The following TTLL11 variants were observed in gnomAD, a reference collection of about 807,000 sequenced individuals.
The protein encoded by TTLL11 is tubulin tyrosine ligase like 11.
Under a neutral mutation model 51.7 loss-of-function variants are expected in TTLL11, and 42 were observed. That is an observed-to-expected ratio of 0.81 (90% CI 0.64 to 1.05). TTLL11 has a LOEUF of 1.05. TTLL11 is among the 50% of genes least tolerant of loss of function. TTLL11 has a pLI of 0.00. For missense variants in TTLL11, 799 were observed against 940.4 expected, an observed-to-expected ratio of 0.85 and a Z score of 1.97; for synonymous variants, 381 against 383.5, an observed-to-expected ratio of 0.99 and a Z score of 0.08.
At chr9:121,975,604 T>C (rs1399411479) in intron 4 of TTLL11, among the ~76,000 whole-genome samples, 1 of 152,086 alleles carries the variant, frequency 6.6e-6, no homozygotes, top group African/African-American at 2.4e-5. Flanking sequence ...CCCAGCTACA[T>C]GGAAGGCTGA....
At chr9:121,880,026 G>A (rs1838724349) in intron 6 of TTLL11, among the ~76,000 whole-genome samples, 1 of 152,114 alleles carries the variant, frequency 6.6e-6, no homozygotes, top group Non-Finnish European at 1.5e-5. Context: ...CACAGCTATT[G>A]AGCATAAATG....
intron 6 of TTLL11, among the ~76,000 whole-genome samples, chr9:121,903,565 G>A (rs1177671478): frequency 1.3e-5 from 2 of 152,182 alleles, no homozygotes; most frequent in African/African-American, 2.4e-5. Flanking sequence ...TCCTTAAAAT[G>A]AAGGTAATAC....
intron 8 of TTLL11, among the ~76,000 whole-genome samples, chr9:121,826,996 G>A (rs927546584): frequency 1.3e-5 from 2 of 152,020 alleles, no homozygotes; most frequent in Non-Finnish European, 2.9e-5. Context: ...CTGTGGGGCT[G>A]GGGTCAATGT....
intron 6 of TTLL11, among the ~76,000 whole-genome samples, chr9:121,938,801 G>C (rs948174345): frequency 6.6e-6 from 1 of 152,166 alleles, no homozygotes; most frequent in Non-Finnish European, 1.5e-5. Flanking sequence ...TTCATAACCA[G>C]GTGTTGGCAA....
At chr9:121,935,016 G>A (rs1211351757) in intron 6 of TTLL11, among the ~76,000 whole-genome samples, 3 of 152,138 alleles carry the variant, frequency 2.0e-5, no homozygotes, top group East Asian at 3.9e-4. Context: ...GTGCAATGGC[G>A]CAATCTCGGC....
intron 6 of TTLL11, among the ~76,000 whole-genome samples, chr9:121,883,099 C>T (rs781224637): frequency 3.9e-5 from 6 of 152,166 alleles, no homozygotes; most frequent in Middle Eastern, 3.4e-3. Flanking sequence ...GACCTTTGGG[C>T]GTCATTTTTC....
Position 121,967,236 on chromosome 9 carries a change from T to G in TTLL11, c.1481+6773A>C, listed in dbSNP as rs768104007. 8.0e-3 allele frequency among the ~76,000 whole-genome samples: 959 copies of G among 119,338 alleles called. 12 individuals carry two copies. Among genetic ancestry groups the G allele is most frequent in the Non-Finnish European group, 0.012 (733 of 59,264 alleles). 78.3% of individuals were successfully genotyped at this position (119,338 alleles called of 152,430 possible). ...TTTTTTTTTTTTTTTTTTTTTTTTT[T>G]TTTTTTTGAGAGGAGTCTTGCTCTG... On this transcript the variant is annotated intron_variant, in intron 6 of 8. Coordinates refer to ENST00000321582, the MANE Select transcript of TTLL11 (RefSeq NM_001139442.2).
chr9:122,042,065 A>G (rs1447886861), intron 1 of TTLL11, among the ~76,000 whole-genome samples: 1 of 143,136 alleles, frequency 7.0e-6, no homozygotes, highest in Admixed American at 7.2e-5. Flanking sequence ...GCTGGAGTGC[A>G]GTGGTACAAT....
At chr9:122,055,203 G>GGATAGATAGATA (rs1222958113) in intron 1 of TTLL11, among the ~76,000 whole-genome samples, 39,215 of 144,478 alleles carry the variant, frequency 0.27, 5,547 homozygotes, top group East Asian at 0.31. Flanking sequence ...AGGACTAATA[G>GGATAGATAGATA]GATAGATAGA....
intron 6 of TTLL11, among the ~76,000 whole-genome samples, chr9:121,935,045 C>T (rs912208356): frequency 2.6e-5 from 4 of 152,122 alleles, no homozygotes; most frequent in African/African-American, 9.7e-5. Flanking sequence ...ACCTCCACCT[C>T]CTGGGTTCAA....
chr9:121,850,347 G>A (rs1205599789), intron 8 of TTLL11, among the ~76,000 whole-genome samples: 3 of 152,074 alleles, frequency 2.0e-5, no homozygotes, highest in Admixed American at 6.5e-5. Flanking sequence ...GTCCAAGTCT[G>A]ATGGCCCACG....
chr9:122,071,344 C>T (rs1006090928), intron 1 of TTLL11, among the ~76,000 whole-genome samples: 2 of 152,260 alleles, frequency 1.3e-5, no homozygotes, highest in Non-Finnish European at 2.9e-5. Flanking sequence ...AATGAGAATG[C>T]GAGCCGCACA....
chr9:122,000,165 T>C (rs1461735763), intron 3 of TTLL11, among the ~76,000 whole-genome samples: 1 of 152,080 alleles, frequency 6.6e-6, no homozygotes, highest in Non-Finnish European at 1.5e-5. Context: ...CAGCACAATA[T>C]ACAGGTCATA....
Position 122,093,168 on chromosome 9 carries a change from A to G in TTLL11, c.-20T>C. 1 of 1,490,710 alleles carries G rather than the reference A, an allele frequency of 6.7e-7. No individual in the cohort carries two copies. The highest frequency in any genetic ancestry group is 8.9e-7 in the Non-Finnish European group (1 of 1,128,012). 92.3% of individuals were successfully genotyped at this position (1,490,710 alleles called of 1,614,324 possible). A position where few individuals can be genotyped will look rare whatever the true frequency, so the allele number is the denominator to read the frequency against. ...CCGCATGGTGCTCAGGGCCGGGGCC[A>G]GTGCCAGTGCCACCGCCGCCGCCGC... On this transcript the variant is annotated 5_prime_UTR_variant, in exon 1 of 9. Transcript: ENST00000321582.
intron 8 of TTLL11, among the ~76,000 whole-genome samples, chr9:121,859,917 C>T (rs529488967): frequency 6.6e-6 from 1 of 152,348 alleles, no homozygotes; most frequent in African/African-American, 2.4e-5. Context: ...CTGAGCTTCT[C>T]TCCCTCCGAG....
chr9:122,052,587 T>C (rs1248061617), intron 1 of TTLL11, among the ~76,000 whole-genome samples: 2 of 152,240 alleles, frequency 1.3e-5, no homozygotes, highest in Non-Finnish European at 2.9e-5. Context: ...TTTCCTATCA[T>C]TCTTCACCTC....
intron 6 of TTLL11, among the ~76,000 whole-genome samples, chr9:121,962,386 CCACCCAA>C: frequency 6.6e-6 from 1 of 152,186 alleles, no homozygotes; most frequent in African/African-American, 2.4e-5. Context: ...CTCCCCAGCT[CCACCCAA>C]CCCTGTCACC....
intron 7 of TTLL11, among the ~76,000 whole-genome samples, chr9:121,869,907 CA>C (rs1174367571): frequency 6.6e-6 from 1 of 152,200 alleles, no homozygotes; most frequent in Non-Finnish European, 1.5e-5. Context: ...CTCAGGAAAC[CA>C]AGCGGCAACT....
chr9:122,053,175 C>T (rs1005182469), intron 1 of TTLL11, among the ~76,000 whole-genome samples: 3 of 152,032 alleles, frequency 2.0e-5, no homozygotes, highest in Admixed American at 1.3e-4. Flanking sequence ...ATCCAGGAGC[C>T]GGGTCGGGGT....
Sources: gnomAD v4.1 joint callset for allele counts (sites outside exome capture counted in the v4.1 genomes callset) on GRCh38, gnomAD v4.1.1 for gene constraint, MANE v1.5 for transcripts, NCBI Gene and HGNC (gene_info 2026-07-23, HGNC 2026-07-21) for gene names.